MARCHF1: variants seen among roughly 807,000 people sequenced by gnomAD.
MARCHF1 encodes the protein E3 ubiquitin-protein ligase MARCHF1.
In MARCHF1, 40 loss-of-function variants were observed where a neutral mutation model predicts 54.2. The observed-to-expected ratio is 0.74, with a 90% CI of 0.57 to 0.96. The LOEUF is 0.96. Among genes scored for constraint, MARCHF1 ranks in the 40% least tolerant of loss-of-function variants. The pLI, the probability that MARCHF1 is intolerant of heterozygous loss-of-function variation, is 0.00. For synonymous variants in MARCHF1, 236 were observed against 236.3 expected, an observed-to-expected ratio of 1.00 and a Z score of 0.01; for missense variants, 586 against 656.5, an observed-to-expected ratio of 0.89 and a Z score of 1.17.
chr4:164,129,089 G>A (rs1756246879), intron 1 of MARCHF1, among the ~76,000 whole-genome samples: 1 of 152,158 alleles, frequency 6.6e-6, no homozygotes, highest in Non-Finnish European at 1.5e-5. Context: ...AACAGTACAG[G>A]TTTTGATTTG....
At chr4:163,792,442 A>G (rs1388213590) in intron 4 of MARCHF1, among the ~76,000 whole-genome samples, 2 of 152,260 alleles carry the variant, frequency 1.3e-5, no homozygotes, top group African/African-American at 4.8e-5. Flanking sequence ...CCTTATGTTC[A>G]ACAAATACTT....
At chr4:164,205,450 C>T (rs972590699) in intron 1 of MARCHF1, among the ~76,000 whole-genome samples, 2 of 152,126 alleles carry the variant, frequency 1.3e-5, no homozygotes, top group Non-Finnish European at 2.9e-5. Flanking sequence ...CGCAAACTCG[C>T]TACTATAAAC....
chr4:164,245,681 G>T (rs1393952424), intron 1 of MARCHF1, among the ~76,000 whole-genome samples: 2 of 151,854 alleles, frequency 1.3e-5, no homozygotes, highest in African/African-American at 4.8e-5. Flanking sequence ...CAGATGACAT[G>T]ATTATATATC....
intron 1 of MARCHF1, among the ~76,000 whole-genome samples, chr4:164,366,312 C>A (rs944196267): frequency 6.6e-6 from 1 of 151,936 alleles, no homozygotes. Flanking sequence ...CAAACATAGT[C>A]CTGGCTCTTA....
At chr4:164,212,162 AAACAAT>A (rs1424013520) in intron 1 of MARCHF1, among the ~76,000 whole-genome samples, 1 of 152,174 alleles carries the variant, frequency 6.6e-6, no homozygotes, top group Non-Finnish European at 1.5e-5. Context: ...ACAACAACAA[AAACAAT>A]AACAACTATT....
At chr4:164,187,612 T>C (rs1731005215) in intron 1 of MARCHF1, among the ~76,000 whole-genome samples, 1 of 152,162 alleles carries the variant, frequency 6.6e-6, no homozygotes, top group Middle Eastern at 3.2e-3. Context: ...ACTGAATCTA[T>C]GGAAGCCTGG....
intron 5 of MARCHF1, among the ~76,000 whole-genome samples, chr4:163,678,235 G>A (rs1267594510): frequency 6.6e-6 from 1 of 152,150 alleles, no homozygotes; most frequent in Non-Finnish European, 1.5e-5. Flanking sequence ...TGATGACAAT[G>A]TTATCAGGCC....
At position 163,684,005 on chromosome 4, in the gene MARCHF1, G is replaced by A. The variant is rs369490162; in HGVS notation, c.162+16808C>T. ...GCATCTCTCTCTCTCTCTGGAAACC[G>A]TGTGATTTCTCCAGCATGGGGGCTT... is the stretch of plus-strand genomic sequence containing the variant. On this transcript the variant is annotated intron_variant, in intron 5 of 9. Coordinates refer to ENST00000514618, the MANE Select transcript of MARCHF1 (RefSeq NM_001394959.1). 4.7e-4 allele frequency among the ~76,000 whole-genome samples: 71 copies of A among 152,258 alleles called. 1 individual carries two copies. The highest frequency in any genetic ancestry group is 1.2e-3 in the South Asian group (6 of 4,832).
Position 163,528,344 on chromosome 4 carries a change from G to A in MARCHF1, c.*404C>T. ...ATGTTAGTTATTTCCAGATGAGACA[G>A]TTAACATTACAAGGCCCTAGAAGTA... is the stretch of plus-strand genomic sequence containing the variant. On this transcript the variant is annotated 3_prime_UTR_variant, in exon 10 of 10. Transcript: ENST00000514618. The A allele has an allele frequency of 6.1e-6, 1 of 163,118 alleles. No individual in the cohort carries two copies. The highest frequency in any genetic ancestry group is 6.1e-5 in the Admixed American group (1 of 16,316). The allele number at this position is 163,118 out of a possible 1,614,324, so 10.1% of individuals were successfully genotyped here.
chr4:164,338,953 C>A (rs1729836902), intron 1 of MARCHF1, among the ~76,000 whole-genome samples: 1 of 151,844 alleles, frequency 6.6e-6, no homozygotes, highest in African/African-American at 2.4e-5. Flanking sequence ...GCCTGAGCAA[C>A]AAGAGCAAAA....
chr4:163,649,299 T>C (rs906254001), intron 5 of MARCHF1, among the ~76,000 whole-genome samples: 73 of 152,196 alleles, frequency 4.8e-4, no homozygotes, highest in African/African-American at 1.7e-3. Flanking sequence ...TTTTGGAATC[T>C]AGCTACTCTA....
intron 4 of MARCHF1, among the ~76,000 whole-genome samples, chr4:163,821,725 C>A (rs1748697561): frequency 6.6e-6 from 1 of 150,988 alleles, no homozygotes; most frequent in Non-Finnish European, 1.5e-5. Context: ...AATAAAAGAC[C>A]ATGAAGGTGG....
chr4:163,838,969 C>A lies in MARCHF1; in HGVS notation c.111+15052G>T, dbSNP rs1172223499. Among the ~76,000 whole-genome samples the A allele has an allele frequency of 2.0e-5, 3 of 151,796 alleles. No homozygotes were observed. In the East Asian group the frequency reaches 5.8e-4, roughly 29 times the overall value. On this transcript the variant is annotated intron_variant, in intron 4 of 9. Transcript: ENST00000514618. Reference sequence around the variant, plus strand: ...ACCATTAACAAAGTGAAAAGACAACCCATAAACTAAAAGAAAATATTTGTA... The same window carrying A: ...ACCATTAACAAAGTGAAAAGACAACACATAAACTAAAAGAAAATATTTGTA...
At chr4:163,605,209 T>C (rs7696415) in intron 7 of MARCHF1, among the ~76,000 whole-genome samples, 13,928 of 152,042 alleles carry the variant, frequency 0.092, 1,171 homozygotes, top group African/African-American at 0.2. Flanking sequence ...TAAGCAAATT[T>C]ACAAGAAAAA....
chr4:164,091,392 G>A (rs1256597854), intron 2 of MARCHF1, among the ~76,000 whole-genome samples: 1 of 128,060 alleles, frequency 7.8e-6, no homozygotes, highest in East Asian at 2.1e-4. Context: ...GACAACAGGG[G>A]ATAATTTTCA....
intron 1 of MARCHF1, among the ~76,000 whole-genome samples, chr4:164,205,384 G>C (rs1311068259): frequency 2.0e-5 from 3 of 152,138 alleles, no homozygotes; most frequent in African/African-American, 7.2e-5. Context: ...GCTTATGTAG[G>C]ATAAGTTGCC....
chr4:163,721,446 G>A (rs1420463290), intron 4 of MARCHF1, among the ~76,000 whole-genome samples: 2 of 152,096 alleles, frequency 1.3e-5, no homozygotes, highest in African/African-American at 2.4e-5. Context: ...TTTTATTGAG[G>A]ATTTTTGCAT....
chr4:164,213,998 T>C (rs62347984), intron 1 of MARCHF1, among the ~76,000 whole-genome samples: 352 of 152,212 alleles, frequency 2.3e-3, no homozygotes, highest in South Asian at 6.6e-3. Flanking sequence ...TCTGATGTAA[T>C]TGTGATGCAT....
intron 1 of MARCHF1, among the ~76,000 whole-genome samples, chr4:164,365,959 T>C (rs948536259): frequency 6.7e-6 from 1 of 149,984 alleles, no homozygotes; most frequent in African/African-American, 2.4e-5. Flanking sequence ...TCCTCAAGTT[T>C]TGATCATCTC....
Sources: gnomAD v4.1 joint callset for allele counts (sites outside exome capture counted in the v4.1 genomes callset) on GRCh38, gnomAD v4.1.1 for gene constraint, MANE v1.5 for transcripts, NCBI Gene and HGNC (gene_info 2026-07-23, HGNC 2026-07-21) for gene names.